The following MAST2 variants were observed in gnomAD, a reference collection of about 807,000 sequenced individuals.
MAST2 encodes the protein microtubule associated serine/threonine kinase 2.
Under a neutral mutation model 147.4 loss-of-function variants are expected in MAST2, and 70 were observed. That is an observed-to-expected ratio of 0.47 (90% CI 0.39 to 0.58). MAST2 has a LOEUF of 0.58. MAST2 is among the 20% of genes least tolerant of loss of function. The pLI, the probability that MAST2 is intolerant of heterozygous loss-of-function variation, is 0.00. For synonymous variants in MAST2, 869 were observed against 896.8 expected (o/e 0.97, Z 0.55); for missense variants, 2,080 against 2,302.3 (o/e 0.90, Z 1.98).
At chr1:45,829,704 G>C in intron 3 of MAST2, 123 bp downstream of exon 3, 1 of 1,018,428 alleles carries the variant, frequency 9.8e-7, no homozygotes, top group Non-Finnish European at 1.4e-6. Flanking sequence ...AATGAAGTAT[G>C]GAAGAGAATG....
At position 46,034,175 on chromosome 1, in the gene MAST2, G is replaced by A; in HGVS notation, c.3777G>A (p.Glu1259=). ...SSLNRSLSSG[E]SGPGSPTHSH... ...TTAACCGCTCCTTGTCATCAGGGGA[G>A]AGTGGGCCAGGCTCTCCCACACACA... The change falls in exon 28 of 29, where the codon GAG becomes GAA. Residue 1259 remains glutamate, a synonymous_variant. Transcript: ENST00000361297. The A allele has an allele frequency of 6.2e-7, 1 of 1,614,172 alleles. No homozygotes were observed. The highest frequency in any genetic ancestry group is 8.5e-7 in the Non-Finnish European group (1 of 1,180,024).
At chr1:45,972,608 T>A (rs1298354236) in intron 5 of MAST2, among the ~76,000 whole-genome samples, 2 of 152,192 alleles carry the variant, frequency 1.3e-5, no homozygotes, top group Admixed American at 1.3e-4. Flanking sequence ...GCATTGAATC[T>A]ATTTGGGCTA....
chr1:45,917,591 A>G, intron 4 of MAST2: 1 of 1,257,854 alleles, frequency 8.0e-7, no homozygotes. Context: ...AAATGGTAAA[A>G]CGCATACCTT....
chr1:46,024,222 CTTG>C, intron 15 of MAST2: 1 of 502,710 alleles, frequency 2.0e-6, no homozygotes. Flanking sequence ...GCTATAGAAT[CTTG>C]CACCCCAAAG....
chr1:45,921,814 C>T (rs1422095196), intron 4 of MAST2, among the ~76,000 whole-genome samples: 2 of 152,194 alleles, frequency 1.3e-5, no homozygotes, highest in East Asian at 3.9e-4. Context: ...CTTCTTGTCG[C>T]CCACAATGTG....
intron 1 of MAST2, among the ~76,000 whole-genome samples, chr1:45,804,846 G>A (rs1258421938): frequency 2.0e-5 from 3 of 152,190 alleles, no homozygotes; most frequent in Non-Finnish European, 4.4e-5. Context: ...CACTAGTAGC[G>A]GTAATAAGTT....
At chr1:45,911,813 A>C (rs896875001) in intron 4 of MAST2, among the ~76,000 whole-genome samples, 4 of 149,342 alleles carry the variant, frequency 2.7e-5, no homozygotes, top group Non-Finnish European at 5.9e-5. Context: ...TTAAGCACTT[A>C]ATAAATGTTG....
intron 16 of MAST2, among the ~76,000 whole-genome samples, 159 bp downstream of exon 16, chr1:46,025,974 C>A (rs886995643): frequency 6.6e-6 from 1 of 152,168 alleles, no homozygotes; most frequent in South Asian, 2.1e-4. Flanking sequence ...CCCCCGACCA[C>A]CCCAGATGCA....
chr1:45,974,827 G>A (rs1444315874), intron 5 of MAST2, among the ~76,000 whole-genome samples: 2 of 152,166 alleles, frequency 1.3e-5, no homozygotes, highest in Non-Finnish European at 2.9e-5. Context: ...CTAGGATTTT[G>A]GAAAGATTGT....
intron 1 of MAST2, among the ~76,000 whole-genome samples, chr1:45,810,768 G>A (rs574504650): frequency 1.8e-3 from 236 of 132,630 alleles, no homozygotes; most frequent in African/African-American, 6.2e-3. Context: ...CCAAGATCGC[G>A]CCACGGTACT....
At chr1:46,032,125 G>T (rs1032425932) in intron 24 of MAST2, 53 bp from the exon 25 acceptor site, 60 of 1,386,670 alleles carry the variant, frequency 4.3e-5, no homozygotes, top group Non-Finnish European at 5.9e-5. Context: ...GACTGGACCA[G>T]GGGCCAGGCC....
chr1:46,010,367 C>A (rs139192717), intron 9 of MAST2, among the ~76,000 whole-genome samples: 71 of 152,186 alleles, frequency 4.7e-4, no homozygotes, highest in African/African-American at 1.7e-3. Context: ...GCAGGCTTGG[C>A]AGGGTGAAAA....
Position 45,847,029 on chromosome 1 carries a change from G to A in MAST2, c.468+17448G>A, listed in dbSNP as rs1645460082. 20 of 357,722 alleles carry A rather than the reference G, an allele frequency of 5.6e-5. 1 individual carries two copies. The highest frequency in any genetic ancestry group is 4.1e-4 in the South Asian group (17 of 40,982). The allele number at this position is 357,722 out of a possible 1,614,324, so 22.2% of individuals were successfully genotyped here. A position where few individuals can be genotyped will look rare whatever the true frequency, so the allele number is the denominator to read the frequency against. ...AGTCATTTCCTCTTCTGAGTCATTT[G>A]ATTCATCGTTTAGTTCCAATTCCAC... On this transcript the variant is annotated intron_variant, in intron 3 of 28. Transcript: ENST00000361297.
rs369116499 is a variant in MAST2 at position 46,017,820 on chromosome 1, A to G, written c.1189-1776A>G. ...TGACCCAGCCATCCCATTACTGGGT[A>G]TATACCCAAAGGACTATAAATCATG... On this transcript the variant is annotated intron_variant, in intron 10 of 28. Transcript: ENST00000361297. 2.0e-5 allele frequency among the ~76,000 whole-genome samples: 3 copies of G among 152,214 alleles called. No homozygotes were observed. In the East Asian group the frequency reaches 5.8e-4, roughly 29 times the overall value.
In MAST2 at chr1:46,023,472, T is replaced by C; in HGVS notation, c.1571+154T>C. Reference sequence around the variant, plus strand: ...CCTCCTGGGTGGGCAGGAGTTCAGATTCCTCTGACATCCGATCATTGTTCC... The same window carrying C: ...CCTCCTGGGTGGGCAGGAGTTCAGACTCCTCTGACATCCGATCATTGTTCC... On this transcript the variant is annotated intron_variant, in intron 14 of 28. Transcript: ENST00000361297. This position sits in a 1 kb window ranked among gnomAD's most constrained non-coding sequence, Gnocchi z 4.9. 1.5e-6 allele frequency: 1 copy of C among 687,454 alleles called. No homozygotes were observed. Among genetic ancestry groups the C allele is most frequent in the South Asian group, 1.8e-5 (1 of 56,756 alleles). 42.6% of individuals were successfully genotyped at this position (687,454 alleles called of 1,614,324 possible).
In MAST2 at chr1:45,898,178, C is replaced by T. The variant is rs776745662; in HGVS notation, c.500+15783C>T. ...AAATTATAGTAGTTATACAAGTGCG[C>T]TCCTCCCCTGGTAAGAATTGTGTAG... On this transcript the variant is annotated intron_variant, in intron 4 of 28. Coordinates refer to ENST00000361297, the MANE Select transcript of MAST2 (RefSeq NM_015112.3). 2.8e-4 allele frequency among the ~76,000 whole-genome samples: 42 copies of T among 152,198 alleles called. 1 individual carries two copies. The Middle Eastern group carries it at 0.034, about 123-fold the overall frequency.
intron 4 of MAST2, among the ~76,000 whole-genome samples, chr1:45,956,167 C>A (rs1659634966): frequency 6.6e-6 from 1 of 152,128 alleles, no homozygotes; most frequent in African/African-American, 2.4e-5. Flanking sequence ...TGTGGTGGGT[C>A]AAATTCAAAT....
intron 3 of MAST2, among the ~76,000 whole-genome samples, chr1:45,873,233 A>T (rs768920278): frequency 2.0e-5 from 3 of 149,080 alleles, no homozygotes; most frequent in Non-Finnish European, 3.0e-5. Context: ...TTGCTCTGTC[A>T]CCCAGGCTGG....
intron 4 of MAST2, among the ~76,000 whole-genome samples, chr1:45,931,164 G>A (rs1309962980): frequency 6.6e-6 from 1 of 152,184 alleles, no homozygotes; most frequent in Non-Finnish European, 1.5e-5. Context: ...TCATGTGTTA[G>A]AATTTTACTG....
Sources: allele counts gnomAD v4.1 joint callset (sites outside exome capture counted in the v4.1 genomes callset), GRCh38; gene constraint gnomAD v4.1.1; non-coding constraint Gnocchi (gnomAD v3.1); transcripts MANE v1.5; gene names NCBI Gene and HGNC (gene_info 2026-07-23, HGNC 2026-07-21).